The following RO60 variants were observed in gnomAD, a reference collection of about 807,000 sequenced individuals.
RO60 encodes the protein Ro60, Y RNA binding protein, also known as RNA-binding protein RO60.
RO60 carries 20 observed loss-of-function variants against 55.3 expected under a neutral mutation model. The observed-to-expected ratio is 0.36, with a 90% CI of 0.25 to 0.53. The LOEUF (loss-of-function observed/expected upper bound fraction) is 0.53. Among genes scored for constraint, RO60 ranks in the 20% least tolerant of loss-of-function variants. RO60 has a pLI of 0.92. For missense variants in RO60, 558 were observed against 646.6 expected, an observed-to-expected ratio of 0.86 and a Z score of 1.49; for synonymous variants, 213 against 213.6, an observed-to-expected ratio of 1.00 and a Z score of 0.02.
rs747916253 is a variant in RO60 at position 193,060,045 on chromosome 1, G to C, written c.-22+269G>C. On this transcript the variant is annotated intron_variant, in intron 1 of 8. Coordinates refer to ENST00000400968, the MANE Select transcript of RO60 (RefSeq NM_001173524.2). ...GAAGCCGGGACCGCTCCTGCTTGTC[G>C]GCATCGCTCCCCACAGGCCGACGTC... 9 of 1,340,744 alleles carry C rather than the reference G, an allele frequency of 6.7e-6. No individual in the cohort carries two copies. In the East Asian group the frequency reaches 3.7e-4, roughly 55 times the overall value. 83.1% of individuals were successfully genotyped at this position (1,340,744 alleles called of 1,614,324 possible). A position where few individuals can be genotyped will look rare whatever the true frequency, so the allele number is the denominator to read the frequency against.
chr1:193,068,059 AT>A (rs1220725788), intron 1 of RO60, among the ~76,000 whole-genome samples: 1 of 152,166 alleles, frequency 6.6e-6, no homozygotes, highest in Non-Finnish European at 1.5e-5. Context: ...AAAAGGGAAC[AT>A]TTCTTTTTAA....
intron 1 of RO60, among the ~76,000 whole-genome samples, chr1:193,064,767 C>T (rs141402688): frequency 1.3e-3 from 192 of 152,242 alleles, no homozygotes; most frequent in Non-Finnish European, 2.4e-3. Flanking sequence ...TCATAACATG[C>T]AAAAGGAAGA....
At chr1:193,071,612 G>A (rs996229805) in intron 2 of RO60, among the ~76,000 whole-genome samples, 12 of 151,718 alleles carry the variant, frequency 7.9e-5, no homozygotes, top group Admixed American at 4.6e-4. Context: ...AGGGATCAGT[G>A]TACCCACATT....
downstream of RO60, chr1:193,091,705 A>G (rs752744630): frequency 1.9e-6 from 3 of 1,604,246 alleles, no homozygotes; most frequent in Non-Finnish European, 2.6e-6. Context: ...GCAGGTGGAC[A>G]CTGTGTGAAC....
chr1:193,060,231 A>G (rs1169063132), intron 1 of RO60: 1 of 663,210 alleles, frequency 1.5e-6, no homozygotes. Context: ...AGGTTTGTCC[A>G]TGGGGCTGCT....
rs772044717 is a variant in RO60, at chr1:193,059,961, C to G, written c.-22+185C>G. ...CCACCCTGGGTAACGGAACCAGCAT[C>G]GCGGTAGGGACATCCTCGCTAGGCC... is the stretch of plus-strand genomic sequence containing the variant. On this transcript the variant is annotated intron_variant, in intron 1 of 8. Transcript: ENST00000400968. This position sits in a 1 kb window ranked among gnomAD's most constrained non-coding sequence, Gnocchi z 4.9. 7.3e-7 allele frequency: 1 copy of G among 1,366,460 alleles called. No homozygotes were observed. The highest frequency in any genetic ancestry group is 1.1e-5 in the South Asian group (1 of 88,028). The allele number at this position is 1,366,460 out of a possible 1,614,324, so 84.6% of individuals were successfully genotyped here. A position where few individuals can be genotyped will look rare whatever the true frequency, so the allele number is the denominator to read the frequency against.
chr1:193,082,908 G>A (rs1420121044), intron 8 of RO60, among the ~76,000 whole-genome samples, 200 bp downstream of exon 8: 1 of 151,842 alleles, frequency 6.6e-6, no homozygotes, highest in Non-Finnish European at 1.5e-5. Flanking sequence ...GGAACTACAG[G>A]AGCGTGCCAC....
chr1:193,085,711 T>C lies in RO60; in HGVS notation c.*980T>C. The C allele has an allele frequency of 1.0e-6, 1 of 981,804 alleles. No homozygotes were observed. Among genetic ancestry groups the C allele is most frequent in the Non-Finnish European group, 1.2e-6 (1 of 826,674 alleles). The allele number at this position is 981,804 out of a possible 1,614,324, so 60.8% of individuals were successfully genotyped here. A position where few individuals can be genotyped will look rare whatever the true frequency, so the allele number is the denominator to read the frequency against. On this transcript the variant is annotated 3_prime_UTR_variant, in exon 9 of 9. Transcript: ENST00000400968. ...TTAACTATTTTTTTAGTTAATATTT[T>C]TAAAAGTATACATGTCAATGGCCTC...
At chr1:193,063,646 T>TC (rs753772871) in intron 1 of RO60, among the ~76,000 whole-genome samples, 14 of 152,188 alleles carry the variant, frequency 9.2e-5, no homozygotes, top group Non-Finnish European at 1.3e-4. Context: ...CAGCTGGGTG[T>TC]CCCCCACTTC....
rs770007044 is a variant in RO60 at position 193,084,722 on chromosome 1, T to C, written c.1608T>C (p.Asp536=). Residue 536 remains aspartate (D), a synonymous_variant, in exon 9 of 9, where the codon GAT becomes GAC. Coordinates refer to ENST00000400968, the MANE Select transcript of RO60 (RefSeq NM_001173524.2). The part of the protein sequence containing the change: ...ALDVIRNFTL[D]MI ...ATGTAATTCGAAATTTCACATTAGATATGATTTAACCATAAGCAGCAGCAC... is the reference window on the plus strand; with the variant it reads ...ATGTAATTCGAAATTTCACATTAGACATGATTTAACCATAAGCAGCAGCAC... 1 of 1,612,660 alleles carries C rather than the reference T, an allele frequency of 6.2e-7. No homozygotes were observed. The highest frequency in any genetic ancestry group is 8.5e-7 in the Non-Finnish European group (1 of 1,179,560).
intron 1 of RO60, among the ~76,000 whole-genome samples, chr1:193,066,718 T>C (rs1013256496): frequency 6.6e-6 from 1 of 152,210 alleles, no homozygotes; most frequent in Non-Finnish European, 1.5e-5. Flanking sequence ...TATAAACATG[T>C]TCAAGTAAGC....
Position 193,090,074 on chromosome 1 carries a change from G to A in RO60, c.*5343G>A, listed in dbSNP as rs748969740. 1.3e-5 allele frequency: 2 copies of A among 152,148 alleles called. No homozygotes were observed. The highest frequency in any genetic ancestry group is 2.9e-5 in the Non-Finnish European group (2 of 68,046). The allele number at this position is 152,148 out of a possible 1,614,324, so 9.4% of individuals were successfully genotyped here. On this transcript the variant is annotated 3_prime_UTR_variant, in exon 9 of 9. Transcript: ENST00000400968. ...CCGCCTCGGCCTTCCAAAGTGCTAGGATTACAGGCGTGAGCCACCGCACCT... is the reference window on the plus strand; with the variant it reads ...CCGCCTCGGCCTTCCAAAGTGCTAGAATTACAGGCGTGAGCCACCGCACCT...
In RO60 at chr1:193,077,123, G is replaced by T. The variant is rs893219150; in HGVS notation, c.1086+73G>T. On this transcript the variant is annotated intron_variant, in intron 5 of 8. Coordinates refer to ENST00000400968, the MANE Select transcript of RO60 (RefSeq NM_001173524.2). ...TCTTTTGTAATAATACATTTTAAAG[G>T]TAGTATTAATAGTTTAATCATTTTT... The T allele has an allele frequency of 2.8e-6, 4 of 1,404,950 alleles. No homozygotes were observed. The African/African-American group carries it at 4.3e-5, about 15-fold the overall frequency. The allele number at this position is 1,404,950 out of a possible 1,614,324, so 87.0% of individuals were successfully genotyped here.
rs1674588436 is a variant in RO60 at position 193,085,534 on chromosome 1, G to A, written c.*803G>A. The A allele has an allele frequency of 1.0e-6, 1 of 984,572 alleles. No homozygotes were observed. The highest frequency in any genetic ancestry group is 4.7e-5 in the South Asian group (1 of 21,260). 61.0% of individuals were successfully genotyped at this position (984,572 alleles called of 1,614,324 possible). On this transcript the variant is annotated 3_prime_UTR_variant, in exon 9 of 9. Coordinates refer to ENST00000400968, the MANE Select transcript of RO60 (RefSeq NM_001173524.2). ...CTGAATTATAATAACATAGCCAGATGTAGTCTCACACTGTTTTTCATACTC... is the reference window on the plus strand; with the variant it reads ...CTGAATTATAATAACATAGCCAGATATAGTCTCACACTGTTTTTCATACTC...
intron 2 of RO60, chr1:193,070,734 G>C: frequency 4.7e-6 from 1 of 211,076 alleles, no homozygotes; most frequent in South Asian, 5.0e-5. Flanking sequence ...AGTACACTTT[G>C]GTTCTCTATT....
intron 1 of RO60, among the ~76,000 whole-genome samples, chr1:193,063,599 C>A (rs1315613654): frequency 1.3e-5 from 2 of 152,010 alleles, no homozygotes; most frequent in Non-Finnish European, 2.9e-5. Flanking sequence ...TCACTTTTGC[C>A]TTTGGTGTCT....
chr1:193,076,223 T>G (rs1038362014), intron 3 of RO60, among the ~76,000 whole-genome samples, 183 bp downstream of exon 3: 1 of 152,092 alleles, frequency 6.6e-6, no homozygotes. Context: ...AGGTGGCATT[T>G]GTGTTAGTTT....
At position 193,084,602 on chromosome 1, in the gene RO60, G is replaced by A; in HGVS notation, c.1488G>A (p.Leu496=). Residue 496 remains leucine (L), a synonymous_variant, in exon 9 of 9, where the codon TTG becomes TTA. Coordinates refer to ENST00000400968, the MANE Select transcript of RO60 (RefSeq NM_001173524.2). The part of the protein sequence containing the change: ...YRKKMDIPAK[L]IVCGMTSNGF... ...AGAAAATGGATATTCCAGCTAAATT[G>A]ATTGTTTGTGGAATGACATCAAATG... The A allele has an allele frequency of 3.1e-6, 5 of 1,612,390 alleles. No homozygotes were observed. The highest frequency in any genetic ancestry group is 4.2e-6 in the Non-Finnish European group (5 of 1,179,466).
chr1:193,063,658 G>A (rs779044178), intron 1 of RO60, among the ~76,000 whole-genome samples: 7 of 152,228 alleles, frequency 4.6e-5, no homozygotes, highest in South Asian at 2.1e-4. Context: ...CCCCACTTCC[G>A]TTTAGTTCTG....
Sources: gnomAD v4.1 joint callset for allele counts (sites outside exome capture counted in the v4.1 genomes callset) on GRCh38, gnomAD v4.1.1 for gene constraint, Gnocchi (gnomAD v3.1) non-coding constraint, MANE v1.5 for transcripts, NCBI Gene and HGNC (gene_info 2026-07-23, HGNC 2026-07-21) for gene names.